Variants in CTPS2 observed in about 807,000 individuals in gnomAD.
CTPS2 encodes the protein CTP synthase 2.
A neutral mutation model predicts 46.8 loss-of-function variants in CTPS2; 19 were observed. The ratio of observed to expected loss-of-function variants is 0.41; its 90% confidence interval spans 0.28 to 0.60. The LOEUF is 0.60. CTPS2 is among the 20% of genes least tolerant of loss of function. CTPS2 has a pLI of 0.35. For synonymous variants in CTPS2, 151 were observed against 165.2 expected (o/e 0.91, Z 0.66); for missense variants, 286 against 447.6 (o/e 0.64, Z 3.26).
intron 15 of CTPS2, 84 bp downstream of exon 15, chrX:16,620,193 C>A (rs1930746207): frequency 1.2e-6 from 1 of 845,694 alleles, no homozygotes. Context: ...GGCTAGACAC[C>A]TTTTCCAGAG....
intron 1 of CTPS2, among the ~76,000 whole-genome samples, chrX:16,707,373 A>AG (rs1460034879): frequency 1.7e-4 from 19 of 112,134 alleles, no homozygotes; most frequent in African/African-American, 6.1e-4. Flanking sequence ...TTACAGTTAC[A>AG]GAAAAAGAAA....
At chrX:16,637,002 G>C (rs755333770) in intron 14 of CTPS2, among the ~76,000 whole-genome samples, 2 of 112,335 alleles carry the variant, frequency 1.8e-5, no homozygotes, top group Non-Finnish European at 3.8e-5. Context: ...TCTCAATAAA[G>C]TTGTTTTCAA....
chrX:16,683,277 A>C, intron 8 of CTPS2, 51 bp from the exon 9 acceptor site: 1 of 1,161,923 alleles, frequency 8.6e-7, no homozygotes. Flanking sequence ...AGAACATCAC[A>C]AACAGAACAA....
At chrX:16,674,071 A>C (rs1229808943) in intron 10 of CTPS2, among the ~76,000 whole-genome samples, 2 of 111,941 alleles carry the variant, frequency 1.8e-5, no homozygotes, top group East Asian at 5.6e-4. Context: ...AGGAAAGTGA[A>C]ATGTGTTTTT....
chrX:16,688,822 G>A (rs1421240299), intron 8 of CTPS2, among the ~76,000 whole-genome samples: 1 of 111,458 alleles, frequency 9.0e-6, no homozygotes, highest in Non-Finnish European at 1.9e-5. Flanking sequence ...GGCCAGGCAT[G>A]GTGGCTCATG....
At chrX:16,627,463 T>C (rs1272526443) in intron 14 of CTPS2, among the ~76,000 whole-genome samples, 5 of 112,221 alleles carry the variant, frequency 4.5e-5, no homozygotes, top group Non-Finnish European at 9.4e-5. Context: ...CCAGATTTTC[T>C]TGAAAATTTA....
intron 11 of CTPS2, among the ~76,000 whole-genome samples, chrX:16,669,728 T>C (rs779092176): frequency 6.4e-5 from 7 of 109,342 alleles, no homozygotes; most frequent in Admixed American, 5.9e-4. Context: ...AAATAAATGG[T>C]CTGCTGGCAC....
At chrX:16,620,083 C>T (rs1200704547) in intron 15 of CTPS2, among the ~76,000 whole-genome samples, 194 bp downstream of exon 15, 2 of 110,499 alleles carry the variant, frequency 1.8e-5, no homozygotes, top group Non-Finnish European at 3.8e-5. Flanking sequence ...TGAGAGCCTC[C>T]GCCCCCCACT....
intron 14 of CTPS2, 86 bp from the exon 15 acceptor site, chrX:16,620,418 A>ATCACTATCT: frequency 1.6e-6 from 1 of 635,870 alleles, no homozygotes; most frequent in Admixed American, 2.5e-5. Context: ...AAGTGCCTGG[A>ATCACTATCT]TCACTATCTA....
chrX:16,703,325 C>T (rs1473372404), intron 1 of CTPS2, among the ~76,000 whole-genome samples: 1 of 107,689 alleles, frequency 9.3e-6, no homozygotes, highest in Non-Finnish European at 1.9e-5. Flanking sequence ...CCGCACCTAG[C>T]TCAGAATTTT....
At chrX:16,628,510 C>T (rs1931283657) in intron 14 of CTPS2, among the ~76,000 whole-genome samples, 1 of 110,677 alleles carries the variant, frequency 9.0e-6, no homozygotes, top group Non-Finnish European at 1.9e-5. Context: ...GGATTACAGG[C>T]ATGCACCATC....
intron 13 of CTPS2, among the ~76,000 whole-genome samples, chrX:16,657,840 G>A (rs6632861): frequency 0.44 from 48,858 of 110,432 alleles, 8,067 homozygotes; most frequent in African/African-American, 0.55. Context: ...GAAAATAAGT[G>A]TGGAAGTTTC....
At chrX:16,621,998 A>G (rs979988539) in intron 14 of CTPS2, among the ~76,000 whole-genome samples, 10 of 111,467 alleles carry the variant, frequency 9.0e-5, no homozygotes, top group Non-Finnish European at 1.7e-4. Flanking sequence ...AGAGAATGCG[A>G]ACATACCACT....
chrX:16,641,522 C>T (rs1932079360), intron 13 of CTPS2, among the ~76,000 whole-genome samples: 1 of 112,514 alleles, frequency 8.9e-6, no homozygotes, highest in Non-Finnish European at 1.9e-5. Context: ...CCAAGGCAGA[C>T]AGATCACTGG....
At chrX:16,599,052 C>T (rs1929475819) in intron 17 of CTPS2, among the ~76,000 whole-genome samples, 3 of 111,856 alleles carry the variant, frequency 2.7e-5, no homozygotes, top group African/African-American at 6.5e-5. Flanking sequence ...ATTGATGGGA[C>T]GTATCTCAAA....
chrX:16,690,393 G>A (rs990598299), intron 7 of CTPS2, among the ~76,000 whole-genome samples: 4 of 110,692 alleles, frequency 3.6e-5, no homozygotes, highest in Admixed American at 9.7e-5. Flanking sequence ...AAGATTGGAC[G>A]CAAACAAAAT....
chrX:16,688,904 G>T (rs1923459958), intron 8 of CTPS2, among the ~76,000 whole-genome samples: 2 of 107,233 alleles, frequency 1.9e-5, no homozygotes, highest in Admixed American at 2.0e-4. Flanking sequence ...GACCAGTGTG[G>T]GTAACATAGA....
At chrX:16,693,291 A>G in intron 5 of CTPS2, 67 bp from the exon 6 acceptor site, 1 of 1,064,949 alleles carries the variant, frequency 9.4e-7, no homozygotes, top group Non-Finnish European at 1.3e-6. Context: ...ATGGTGCCCC[A>G]CTTTCAAATG....
intron 4 of CTPS2, among the ~76,000 whole-genome samples, chrX:16,696,879 C>T (rs888649980): frequency 3.9e-5 from 3 of 76,705 alleles, no homozygotes; most frequent in African/African-American, 2.3e-4. Flanking sequence ...TGCTCTGATA[C>T]ATTGCATTTA....
Sources: gnomAD v4.1 joint callset for allele counts (sites outside exome capture counted in the v4.1 genomes callset) on GRCh38, gnomAD v4.1.1 for gene constraint, MANE v1.5 for transcripts, NCBI Gene and HGNC (gene_info 2026-07-23, HGNC 2026-07-21) for gene names.